CR1L: variants seen among roughly 807,000 people sequenced by gnomAD.
CR1L encodes the protein complement C3b/C4b receptor 1 like.
In CR1L, 59 loss-of-function variants were observed where a neutral mutation model predicts 62.3. That is an observed-to-expected ratio of 0.95 (90% CI 0.77 to 1.18). The LOEUF (loss-of-function observed/expected upper bound fraction) is 1.18, where lower values mean the gene tolerates loss of function less well. CR1L is among the 50% of genes most tolerant of loss of function. The pLI is 0.00. For synonymous variants in CR1L, 279 were observed against 248.7 expected (o/e 1.12, Z -1.15); for missense variants, 700 against 702.8 (o/e 1.00, Z 0.04).
chr1:207,677,258 G>A (rs896434901), intron 1 of CR1L, 131 bp from the exon 2 acceptor site: 3 of 887,486 alleles, frequency 3.4e-6, no homozygotes, highest in African/African-American at 1.9e-5. Context: ...GTGAGGCAGA[G>A]GATCGCACCA....
At chr1:207,645,401 C>A (rs1663104188) in intron 1 of CR1L, 71 bp downstream of exon 1, 2 of 1,539,384 alleles carry the variant, frequency 1.3e-6, no homozygotes, top group South Asian at 1.1e-5. Flanking sequence ...GGGCAGGAGG[C>A]GCGGGGCGAA....
chr1:207,654,361 G>C (rs1663273415), intron 1 of CR1L, among the ~76,000 whole-genome samples: 1 of 152,142 alleles, frequency 6.6e-6, no homozygotes, highest in Non-Finnish European at 1.5e-5. Flanking sequence ...TAGGCACTAT[G>C]AGGGATACCA....
chr1:207,721,437 C>T (rs988951913), intron 11 of CR1L, among the ~76,000 whole-genome samples: 16 of 149,624 alleles, frequency 1.1e-4, no homozygotes, highest in East Asian at 1.0e-3. Flanking sequence ...TGAGAATATG[C>T]GGTGTTTGGT....
At chr1:207,699,309 T>C (rs748136682) in intron 8 of CR1L, 35 bp downstream of exon 8, 571 of 1,611,708 alleles carry the variant, frequency 3.5e-4, no homozygotes, top group Non-Finnish European at 4.7e-4. Context: ...GGCCAATCTC[T>C]CCCCTTCATC....
intron 4 of CR1L, among the ~76,000 whole-genome samples, chr1:207,693,641 T>A (rs1664028161): frequency 6.6e-6 from 1 of 152,218 alleles, no homozygotes; most frequent in Non-Finnish European, 1.5e-5. Context: ...TGTTATTATA[T>A]CAAACTTAGA....
rs1295756464 is a variant in CR1L at position 207,708,231 on chromosome 1, C to T, written c.1382C>T (p.Ala461Val). The T allele has an allele frequency of 6.2e-7, 1 of 1,611,346 alleles. No homozygotes were observed. The change falls in exon 10 of 12, where the codon GCC (alanine) becomes GTC (valine). Residue 461 changes from alanine to valine, a missense_variant. Physicochemically the swap from Ala to Val is moderately conservative, Grantham distance 64. Transcript: ENST00000508064. ...GAATGTATCCTCTCGGGCAATACTG[C>T]CCATTGGAGCATGAAGCCACCAATT... ...SAECILSGNT[A>V]HWSMKPPICQ...
chr1:207,715,918 C>T (rs1653987158), intron 10 of CR1L, among the ~76,000 whole-genome samples: 1 of 152,096 alleles, frequency 6.6e-6, no homozygotes, highest in Non-Finnish European at 1.5e-5. Flanking sequence ...TGGTCTCAAA[C>T]TCCTGGGCTC....
chr1:207,697,730 C>T, intron 6 of CR1L, 41 bp from the exon 7 acceptor site: 2 of 1,614,018 alleles, frequency 1.2e-6, no homozygotes, highest in Non-Finnish European at 1.7e-6. Flanking sequence ...TCTTTATTCT[C>T]CACATGCCAG....
At chr1:207,710,388 C>T in intron 10 of CR1L, 5 of 1,491,566 alleles carry the variant, frequency 3.4e-6, no homozygotes, top group Non-Finnish European at 4.7e-6. Flanking sequence ...CCAGGAATTC[C>T]TTGTGGGCTA....
At chr1:207,674,211 G>C (rs1304956898) in intron 1 of CR1L, among the ~76,000 whole-genome samples, 1 of 152,218 alleles carries the variant, frequency 6.6e-6, no homozygotes, top group Non-Finnish European at 1.5e-5. Flanking sequence ...ATGCATTACA[G>C]AAGGACATGA....
In CR1L at chr1:207,660,734, G is replaced by A. The variant is rs568041188; in HGVS notation, c.97+15404G>A. ...CTTCTCTAGTTCTTTTAATTGTGAT[G>A]TTAGGGTGTCAATTTTAGATCTTTC... On this transcript the variant is annotated intron_variant, in intron 1 of 11. Coordinates refer to ENST00000508064, the MANE Select transcript of CR1L (RefSeq NM_175710.2). Among the ~76,000 whole-genome samples, 6 of 152,278 alleles carry A rather than the reference G, an allele frequency of 3.9e-5. No homozygotes were observed. In the South Asian group the frequency reaches 6.2e-4, roughly 16 times the overall value.
At position 207,677,368 on chromosome 1, in the gene CR1L, TGCTGTG is replaced by T; in HGVS notation, c.98-19_98-14del. 1 of 1,458,592 alleles carries T rather than the reference TGCTGTG, an allele frequency of 6.9e-7. No individual in the cohort carries two copies. Among genetic ancestry groups the T allele is most frequent in the Non-Finnish European group, 9.2e-7 (1 of 1,081,918 alleles). 90.4% of individuals were successfully genotyped at this position (1,458,592 alleles called of 1,614,324 possible). A position where few individuals can be genotyped will look rare whatever the true frequency, so the allele number is the denominator to read the frequency against. On this transcript the variant is annotated splice_polypyrimidine_tract_variant and intron_variant, in intron 1 of 11. Coordinates refer to ENST00000508064, the MANE Select transcript of CR1L (RefSeq NM_175710.2). The stretch of plus-strand genomic sequence containing the variant: ...GTAATTTCTCCATTAACTTCGATGC[TGCTGTG>T]GTCTTGATCCCCAGATCAATGCAAT...
chr1:207,655,396 G>A, intron 1 of CR1L: 1 of 326,130 alleles, frequency 3.1e-6, no homozygotes, highest in African/African-American at 2.2e-5. Flanking sequence ...TCTTTTATGT[G>A]GGTTATATCT....
At chr1:207,694,259 A>T in intron 4 of CR1L, 94 bp from the exon 5 acceptor site, 1 of 1,483,644 alleles carries the variant, frequency 6.7e-7, no homozygotes, top group Non-Finnish European at 9.2e-7. Flanking sequence ...CAAAGAATAA[A>T]AGCAAATAAT....
intron 3 of CR1L, among the ~76,000 whole-genome samples, chr1:207,680,544 A>ATTTTT (rs61550356): frequency 6.2e-4 from 94 of 151,404 alleles, no homozygotes; most frequent in Non-Finnish European, 8.7e-4. Context: ...AAATAAAAAA[A>ATTTTT]TTTTTTTTTT....
At chr1:207,696,792 A>G (rs536088096) in intron 5 of CR1L, among the ~76,000 whole-genome samples, 2 of 152,254 alleles carry the variant, frequency 1.3e-5, no homozygotes, top group Non-Finnish European at 2.9e-5. Flanking sequence ...CCGATCAACT[A>G]TATTAAGAGA....
At chr1:207,716,469 TTCTG>T (rs1654001582) in intron 10 of CR1L, among the ~76,000 whole-genome samples, 1 of 152,204 alleles carries the variant, frequency 6.6e-6, no homozygotes. Flanking sequence ...ATTTACCCTA[TTCTG>T]TCTATTAAAG....
intron 9 of CR1L, 61 bp from the exon 10 acceptor site, chr1:207,708,117 A>G (rs1664297256): frequency 6.3e-7 from 1 of 1,577,380 alleles, no homozygotes; most frequent in Non-Finnish European, 8.7e-7. Context: ...CCACATATGC[A>G]TGCTGTCAGG....
intron 3 of CR1L, among the ~76,000 whole-genome samples, chr1:207,682,023 C>G (rs1463888542): frequency 6.6e-6 from 1 of 152,024 alleles, no homozygotes; most frequent in South Asian, 2.1e-4. Context: ...GGCGGGATAG[C>G]ACTAGGAGAA....
Sources: gnomAD v4.1 joint callset for allele counts (sites outside exome capture counted in the v4.1 genomes callset) on GRCh38, gnomAD v4.1.1 for gene constraint, MANE v1.5 for transcripts, NCBI Gene and HGNC (gene_info 2026-07-23, HGNC 2026-07-21) for gene names.